CLPTM1L: variants seen among roughly 807,000 people sequenced by gnomAD.
CLPTM1L encodes the protein lipid scramblase CLPTM1L.
In CLPTM1L, 38 loss-of-function variants were observed where a neutral mutation model predicts 70.9. That is an observed-to-expected ratio of 0.54 (90% CI 0.41 to 0.70). The LOEUF (loss-of-function observed/expected upper bound fraction) is 0.70. Among genes scored for constraint, CLPTM1L ranks in the 30% least tolerant of loss-of-function variants. The probability of loss-of-function intolerance (pLI) is 0.00; values close to 1 mark genes in which losing one functional copy is unlikely to be tolerated. For synonymous variants in CLPTM1L, 339 were observed against 299.9 expected, an observed-to-expected ratio of 1.13 and a Z score of -1.35; for missense variants, 652 against 705.9, an observed-to-expected ratio of 0.92 and a Z score of 0.87.
At chr5:1,338,538 C>A (rs1177635848) in intron 4 of CLPTM1L, among the ~76,000 whole-genome samples, 1 of 152,236 alleles carries the variant, frequency 6.6e-6, no homozygotes, top group Non-Finnish European at 1.5e-5. Flanking sequence ...TTAAGTAAAT[C>A]TAAATAAGCC....
At chr5:1,320,364 T>C (rs905542046) in intron 16 of CLPTM1L, 23 of 403,840 alleles carry the variant, frequency 5.7e-5, no homozygotes, top group African/African-American at 4.3e-4. Context: ...CAGTGGCTCA[T>C]CAATAATTCA....
intron 7 of CLPTM1L, 183 bp from the exon 8 acceptor site, chr5:1,332,066 T>C: frequency 3.3e-6 from 2 of 606,376 alleles, no homozygotes; most frequent in African/African-American, 1.8e-5. Flanking sequence ...TGTCAGAACC[T>C]AGAGTGCCCA....
chr5:1,323,102 G>A (rs1422617999), intron 12 of CLPTM1L, among the ~76,000 whole-genome samples, 191 bp from the exon 13 acceptor site: 5 of 152,244 alleles, frequency 3.3e-5, no homozygotes, highest in South Asian at 2.1e-4. Flanking sequence ...ACCCCCGGCC[G>A]GGCAGCAGAG....
Position 1,342,004 on chromosome 5 carries a change from C to CGA in CLPTM1L, c.264-146_264-145dup. The CGA allele has an allele frequency of 1.6e-6, 1 of 611,454 alleles. No homozygotes were observed. The highest frequency in any genetic ancestry group is 2.8e-6 in the Non-Finnish European group (1 of 358,170). 37.9% of individuals were successfully genotyped at this position (611,454 alleles called of 1,614,324 possible). On this transcript the variant is annotated intron_variant, in intron 2 of 16. Coordinates refer to ENST00000320895, the MANE Select transcript of CLPTM1L (RefSeq NM_030782.5). This position sits in a 1 kb window ranked among gnomAD's most constrained non-coding sequence, Gnocchi z 4.3. ...TGAAACCCACCTGCCCAGGGCTTTA[C>CGA]GAGTCGTGTGTGTGTGTGTGTGTGT...
intron 16 of CLPTM1L, among the ~76,000 whole-genome samples, chr5:1,319,290 T>A (rs1001495705): frequency 7.6e-6 from 1 of 131,800 alleles, no homozygotes; most frequent in African/African-American, 2.9e-5. Context: ...TTGCTTATGG[T>A]GAAATAGCCC....
chr5:1,322,752 C>T (rs1752232824), intron 13 of CLPTM1L, 125 bp downstream of exon 13: 5 of 966,972 alleles, frequency 5.2e-6, no homozygotes, highest in African/African-American at 3.2e-5. Flanking sequence ...TGTGCCAGAA[C>T]AGGGTGGGGA....
intron 6 of CLPTM1L, 79 bp downstream of exon 6, chr5:1,334,978 C>A: frequency 1.9e-6 from 2 of 1,067,208 alleles, no homozygotes; most frequent in East Asian, 2.4e-5. Flanking sequence ...AGGCCCCGGC[C>A]TGTGTCAGGA....
At chr5:1,328,512 C>A (rs1227151517) in intron 9 of CLPTM1L, among the ~76,000 whole-genome samples, 2 of 150,258 alleles carry the variant, frequency 1.3e-5, no homozygotes, top group Admixed American at 1.3e-4. Flanking sequence ...CACATTTCAT[C>A]CAGCTCCTCC....
chr5:1,342,516 C>T lies in CLPTM1L; in HGVS notation c.264-656G>A, dbSNP rs532243594. ...GGCTCTTCACCCGCACACCAGGGCC[C>T]GACGTCCATACTACAGCCCCATGGA... On this transcript the variant is annotated intron_variant, in intron 2 of 16. Transcript: ENST00000320895. The surrounding 1 kb of genome is among the most constrained non-coding windows in gnomAD (Gnocchi z 4.3). Among the ~76,000 whole-genome samples the T allele has an allele frequency of 5.9e-5, 9 of 152,292 alleles. No homozygotes were observed. The highest frequency in any genetic ancestry group is 1.2e-4 in the African/African-American group (5 of 41,550).
At chr5:1,324,444 G>A (rs1336759580) in intron 11 of CLPTM1L, among the ~76,000 whole-genome samples, 1 of 152,232 alleles carries the variant, frequency 6.6e-6, no homozygotes, top group Non-Finnish European at 1.5e-5. Context: ...CGGCAAGTGC[G>A]TTCCCAGCAA....
At position 1,344,781 on chromosome 5, in the gene CLPTM1L, C is replaced by T; in HGVS notation, c.61G>A (p.Val21Met). Residue 21 changes from valine to methionine, a missense_variant, in exon 1 of 17, where the codon GTG becomes ATG. Coordinates refer to ENST00000320895, the MANE Select transcript of CLPTM1L (RefSeq NM_030782.5). ...LVVGVFVVYV[V>M]HTCWVMYGIV... is the part of the protein sequence containing the mutation. ...CCGTACATGACCCAGCAGGTGTGCACCACGTAGACCACGAACACGCCCACC... is the reference window on the plus strand; with the variant it reads ...CCGTACATGACCCAGCAGGTGTGCATCACGTAGACCACGAACACGCCCACC... 1 of 1,605,430 alleles carries T rather than the reference C, an allele frequency of 6.2e-7. No individual in the cohort carries two copies. Among genetic ancestry groups the T allele is most frequent in the South Asian group, 1.1e-5 (1 of 89,780 alleles).
In CLPTM1L at chr5:1,331,394, G is replaced by C. The variant is rs557679780; in HGVS notation, c.976+405C>G. ...CCACACGCCCAGGCCTGCGCTGGTCGGGGAAGGAACACCGGCGGGAGGACG... is the reference window on the plus strand; with the variant it reads ...CCACACGCCCAGGCCTGCGCTGGTCCGGGAAGGAACACCGGCGGGAGGACG... On this transcript the variant is annotated intron_variant, in intron 8 of 16. Coordinates refer to ENST00000320895, the MANE Select transcript of CLPTM1L (RefSeq NM_030782.5). 2.4e-4 allele frequency: 57 copies of C among 240,598 alleles called. No homozygotes were observed. In the South Asian group the frequency reaches 4.7e-3, roughly 20 times the overall value. 14.9% of individuals were successfully genotyped at this position (240,598 alleles called of 1,614,324 possible).
chr5:1,329,053 G>C (rs922307343), intron 9 of CLPTM1L, among the ~76,000 whole-genome samples: 1 of 152,182 alleles, frequency 6.6e-6, no homozygotes, highest in African/African-American at 2.4e-5. Flanking sequence ...CCCACCCACA[G>C]GTGGGCCACC....
intron 7 of CLPTM1L, among the ~76,000 whole-genome samples, chr5:1,332,889 C>G (rs938472544): frequency 6.6e-6 from 1 of 152,152 alleles, no homozygotes. Flanking sequence ...GAACACACCC[C>G]CTGAGGATGA....
intron 11 of CLPTM1L, chr5:1,324,119 T>C (rs997528837): frequency 7.5e-6 from 4 of 533,706 alleles, no homozygotes; most frequent in Non-Finnish European, 1.3e-5. Flanking sequence ...ATAGATCAAT[T>C]CTGGTTGGTC....
Position 1,324,815 on chromosome 5 carries a change from T to C in CLPTM1L, c.1147-2A>G. 1.2e-6 allele frequency: 2 copies of C among 1,613,720 alleles called. No individual in the cohort carries two copies. Among genetic ancestry groups the C allele is most frequent in the Non-Finnish European group, 1.7e-6 (2 of 1,179,598 alleles). The stretch of plus-strand genomic sequence containing the variant: ...CTCAGATTCGCTGTAAGTGCCAAAC[T>C]GTTGTGAAATTCAACACAGTGATAT... On this transcript the variant is annotated splice_acceptor_variant, in intron 10 of 16. Transcript: ENST00000320895. LOFTEE classifies it high-confidence loss of function.
At position 1,331,842 on chromosome 5, in the gene CLPTM1L, G is replaced by A. The variant is rs781595771; in HGVS notation, c.933C>T (p.Phe311=). ...DFLAFKNDIS[F]WKKKKSMIGM... ...CGATCATGCTCTTCTTCTTCTTCCAGAAACTGATGTCATTTTTAAAGGCCA... is the reference window on the plus strand; with the variant it reads ...CGATCATGCTCTTCTTCTTCTTCCAAAAACTGATGTCATTTTTAAAGGCCA... Residue 311 remains phenylalanine, a synonymous_variant, in exon 8 of 17, where the codon TTC becomes TTT. Transcript: ENST00000320895. 3.1e-6 allele frequency: 5 copies of A among 1,613,294 alleles called. No homozygotes were observed. Among genetic ancestry groups the A allele is most frequent in the Middle Eastern group, 1.6e-4 (1 of 6,082 alleles).
At position 1,342,667 on chromosome 5, in the gene CLPTM1L, A is replaced by T. The variant is rs1186073881; in HGVS notation, c.264-807T>A. On this transcript the variant is annotated intron_variant, in intron 2 of 16. Coordinates refer to ENST00000320895, the MANE Select transcript of CLPTM1L (RefSeq NM_030782.5). The surrounding 1 kb of genome is among the most constrained non-coding windows in gnomAD (Gnocchi z 4.3). ...TAGGGGTGCAATCACAGCTCACTGC[A>T]TCCTCAACCTCCTGAGCTCAAGTGA... Among the ~76,000 whole-genome samples the T allele has an allele frequency of 6.6e-6, 1 of 152,200 alleles. No individual in the cohort carries two copies. Among genetic ancestry groups the T allele is most frequent in the African/African-American group, 2.4e-5 (1 of 41,452 alleles).
intron 7 of CLPTM1L, among the ~76,000 whole-genome samples, chr5:1,333,405 C>T (rs1323607959): frequency 5.3e-5 from 6 of 114,140 alleles, no homozygotes; most frequent in African/African-American, 2.2e-4. Flanking sequence ...GGGGGGACTA[C>T]TGTATACACA....
Sources: allele counts gnomAD v4.1 joint callset (sites outside exome capture counted in the v4.1 genomes callset), GRCh38; gene constraint gnomAD v4.1.1; non-coding constraint Gnocchi (gnomAD v3.1); transcripts MANE v1.5; gene names NCBI Gene and HGNC (gene_info 2026-07-23, HGNC 2026-07-21).